Variants in QKI observed in about 807,000 individuals in gnomAD.
QKI encodes the protein QKI, KH domain containing RNA binding, also known as KH domain-containing RNA-binding protein QKI.
In QKI, 10 loss-of-function variants were observed where a neutral mutation model predicts 39.0. That is an observed-to-expected ratio of 0.26 (90% CI 0.16 to 0.43). The LOEUF is 0.43. Ranked by LOEUF, QKI falls within the 20% of genes least tolerant of loss-of-function variation. The pLI is 1.00. For missense variants in QKI, 218 were observed against 428.0 expected, an observed-to-expected ratio of 0.51 and a Z score of 4.33; for synonymous variants, 204 against 155.4, an observed-to-expected ratio of 1.31 and a Z score of -2.33.
chr6:163,473,900 C>G (rs1211582383), intron 2 of QKI, among the ~76,000 whole-genome samples: 3 of 141,538 alleles, frequency 2.1e-5, no homozygotes, highest in African/African-American at 7.7e-5. Flanking sequence ...TGGGCCAGTT[C>G]TATTTATGAA....
chr6:163,433,916 C>T (rs1035876612), intron 1 of QKI, among the ~76,000 whole-genome samples: 3 of 152,144 alleles, frequency 2.0e-5, no homozygotes, highest in South Asian at 4.1e-4. Flanking sequence ...TGAAATAATA[C>T]TTGTCTGTAC....
intron 3 of QKI, among the ~76,000 whole-genome samples, chr6:163,479,520 C>T (rs866020536): frequency 6.6e-6 from 1 of 152,076 alleles, no homozygotes. Context: ...TACAGGCGCA[C>T]GCCGCCATGC....
At chr6:163,451,675 A>G (rs969386748) in intron 1 of QKI, among the ~76,000 whole-genome samples, 8 of 152,182 alleles carry the variant, frequency 5.3e-5, no homozygotes, top group African/African-American at 2.4e-5. Flanking sequence ...TGATTAAGCA[A>G]ACGGTTCTGA....
At chr6:163,421,037 A>G (rs1438542694) in intron 1 of QKI, among the ~76,000 whole-genome samples, 2 of 151,904 alleles carry the variant, frequency 1.3e-5, no homozygotes, top group Admixed American at 6.6e-5. Flanking sequence ...TTTGATTTCT[A>G]GTTTCTCAAA....
At chr6:163,491,714 A>G (rs1419048918) in intron 3 of QKI, among the ~76,000 whole-genome samples, 1 of 152,190 alleles carries the variant, frequency 6.6e-6, no homozygotes, top group Non-Finnish European at 1.5e-5. Context: ...TTGTTAAGAA[A>G]GATTGGGAAG....
intron 3 of QKI, among the ~76,000 whole-genome samples, chr6:163,530,252 C>T (rs1470097763): frequency 6.6e-6 from 1 of 152,112 alleles, no homozygotes; most frequent in Admixed American, 6.5e-5. Flanking sequence ...ATAAATACAG[C>T]ATTTTTGGTG....
chr6:163,508,729 A>G (rs1233076741), intron 3 of QKI, among the ~76,000 whole-genome samples: 1 of 151,178 alleles, frequency 6.6e-6, no homozygotes, highest in Non-Finnish European at 1.5e-5. Flanking sequence ...GGGTTTCACC[A>G]TGTTGCCCAG....
chr6:163,418,788 G>A (rs1470596145), intron 1 of QKI, among the ~76,000 whole-genome samples: 3 of 152,132 alleles, frequency 2.0e-5, no homozygotes, highest in African/African-American at 4.8e-5. Flanking sequence ...TGAAACAACA[G>A]TAGTTGAATG....
At chr6:163,503,581 A>G (rs1778917028) in intron 3 of QKI, among the ~76,000 whole-genome samples, 2 of 151,864 alleles carry the variant, frequency 1.3e-5, no homozygotes, top group Non-Finnish European at 2.9e-5. Context: ...ATTAAGTCCC[A>G]CTTGTCAATT....
Position 163,415,218 on chromosome 6 carries a change from G to C in QKI, c.25G>C (p.Glu9Gln), listed in dbSNP as rs1787339435. The C allele has an allele frequency of 6.3e-7, 1 of 1,591,666 alleles. No individual in the cohort carries two copies. The highest frequency in any genetic ancestry group is 1.4e-5 in the African/African-American group (1 of 73,974). Residue 9 changes from glutamate (E) to glutamine (Q), a missense_variant, in exon 1 of 8, where the codon GAG (glutamate) becomes CAG (glutamine). Glu to Gln is a conservative substitution (Grantham distance 29). Transcript: ENST00000361752. Reference sequence around the variant, plus strand: ...TATGGTCGGGGAAATGGAAACGAAGGAGAAGCCGAAGCCCACCCCAGATTA... The same window carrying C: ...TATGGTCGGGGAAATGGAAACGAAGCAGAAGCCGAAGCCCACCCCAGATTA... MVGEMETK[E>Q]KPKPTPDYLM...
chr6:163,416,798 A>G (rs1787543974), intron 1 of QKI, among the ~76,000 whole-genome samples: 1 of 152,186 alleles, frequency 6.6e-6, no homozygotes, highest in Non-Finnish European at 1.5e-5. Flanking sequence ...GGAACAGCAA[A>G]TCTGTTAATT....
chr6:163,415,976 T>G (rs1439334352), intron 1 of QKI: 3 of 491,732 alleles, frequency 6.1e-6, no homozygotes, highest in African/African-American at 6.0e-5. Flanking sequence ...GAGGACTAAG[T>G]GACGGCGAAA....
At chr6:163,489,019 TGTG>T (rs1777875498) in intron 3 of QKI, among the ~76,000 whole-genome samples, 1 of 130,444 alleles carries the variant, frequency 7.7e-6, no homozygotes, top group Non-Finnish European at 1.7e-5. Context: ...AACAGTTTTG[TGTG>T]TGTATCTGTG....
rs1192070515 is a variant in QKI at position 163,563,552 on chromosome 6, G to C, written c.767G>C (p.Arg256Thr). ...PAGPTIMPLI[R>T]QIQTAVMPNG... ...GGCCCTACCATAATGCCTTTGATCAGACAAATACAGACCGCTGTCATGCCA... is the reference window on the plus strand; with the variant it reads ...GGCCCTACCATAATGCCTTTGATCACACAAATACAGACCGCTGTCATGCCA... Residue 256 changes from arginine to threonine, a missense_variant, in exon 6 of 8, where the codon AGA becomes ACA. Transcript: ENST00000361752. The C allele has an allele frequency of 6.2e-7, 1 of 1,614,168 alleles. No individual in the cohort carries two copies. The highest frequency in any genetic ancestry group is 8.5e-7 in the Non-Finnish European group (1 of 1,180,040).
intron 3 of QKI, among the ~76,000 whole-genome samples, chr6:163,499,306 A>G (rs560261911): frequency 1.3e-4 from 20 of 152,288 alleles, no homozygotes; most frequent in African/African-American, 4.3e-4. Context: ...ACCAATTTGT[A>G]ATATTTAGAT....
At chr6:163,495,000 C>T (rs1778316732) in intron 3 of QKI, among the ~76,000 whole-genome samples, 3 of 151,984 alleles carry the variant, frequency 2.0e-5, no homozygotes, top group Admixed American at 6.6e-5. Flanking sequence ...ACATTAACCT[C>T]TGCCTCCTGG....
intron 2 of QKI, among the ~76,000 whole-genome samples, chr6:163,466,300 T>C (rs145474531): frequency 6.6e-6 from 1 of 152,316 alleles, no homozygotes; most frequent in Non-Finnish European, 1.5e-5. Flanking sequence ...ATTGGAAGAT[T>C]ATTGTTAAAA....
chr6:163,559,999 T>C (rs1782897022), intron 4 of QKI, among the ~76,000 whole-genome samples: 1 of 152,230 alleles, frequency 6.6e-6, no homozygotes, highest in Non-Finnish European at 1.5e-5. Flanking sequence ...ACACAGACTT[T>C]GATAGATGGA....
chr6:163,425,654 C>A (rs1788349679), intron 1 of QKI, among the ~76,000 whole-genome samples: 1 of 152,020 alleles, frequency 6.6e-6, no homozygotes. Context: ...ATTTTAAACT[C>A]CTTAAAGATT....
Sources: allele counts gnomAD v4.1 joint callset (sites outside exome capture counted in the v4.1 genomes callset), GRCh38; gene constraint gnomAD v4.1.1; transcripts MANE v1.5; gene names NCBI Gene and HGNC (gene_info 2026-07-23, HGNC 2026-07-21).